The following CNKSR3 variants were observed in gnomAD, a reference collection of about 807,000 sequenced individuals.
The protein encoded by CNKSR3 is CNKSR family member 3.
Under a neutral mutation model 67.7 loss-of-function variants are expected in CNKSR3, and 36 were observed. The ratio of observed to expected loss-of-function variants is 0.53; its 90% confidence interval spans 0.41 to 0.70. The LOEUF (loss-of-function observed/expected upper bound fraction) is 0.70. Among genes scored for constraint, CNKSR3 ranks in the 30% least tolerant of loss-of-function variants. CNKSR3 has a pLI of 0.00. For synonymous variants in CNKSR3, 281 were observed against 271.4 expected, an observed-to-expected ratio of 1.04 and a Z score of -0.35; for missense variants, 630 against 695.2, an observed-to-expected ratio of 0.91 and a Z score of 1.05.
At position 154,400,046 on chromosome 6, in the gene CNKSR3, T is replaced by G. The variant is rs527242502; in HGVS notation, c.*6308A>C. The stretch of plus-strand genomic sequence containing the variant: ...ATGAGAATATCCTTATCCCTGGGTG[T>G]GAGGAGTAATTACTCTACTGCCCTT... On this transcript the variant is annotated 3_prime_UTR_variant, in exon 13 of 13. Transcript: ENST00000607772. 6.6e-6 allele frequency: 1 copy of G among 152,190 alleles called. No individual in the cohort carries two copies. The highest frequency in any genetic ancestry group is 6.5e-5 in the Admixed American group (1 of 15,280). 9.4% of individuals were successfully genotyped at this position (152,190 alleles called of 1,614,324 possible). A position where few individuals can be genotyped will look rare whatever the true frequency, so the allele number is the denominator to read the frequency against.
At chr6:154,486,109 G>A (rs575029635) in intron 1 of CNKSR3, among the ~76,000 whole-genome samples, 14 of 152,148 alleles carry the variant, frequency 9.2e-5, no homozygotes, top group Non-Finnish European at 1.8e-4. Flanking sequence ...CTTCAAGGGT[G>A]TGCCTTTGTG....
chr6:154,470,188 C>CTTTTTTTT lies in CNKSR3; in HGVS notation c.53-19938_53-19931dup, dbSNP rs869154714. ...TGTAATAAAGAACCTACTTTCTTTCCTTTTTTTTTTTTTTTTTTTTTTTTT... is the reference window on the plus strand; with the variant it reads ...TGTAATAAAGAACCTACTTTCTTTCCTTTTTTTTTTTTTTTTTTTTTTTTTTTTTTTTT... On this transcript the variant is annotated intron_variant, in intron 1 of 12. Coordinates refer to ENST00000607772, the MANE Select transcript of CNKSR3 (RefSeq NM_173515.4). Among the ~76,000 whole-genome samples, 9 of 68,752 alleles carry CTTTTTTTT rather than the reference C, an allele frequency of 1.3e-4. 1 individual carries two copies. Among genetic ancestry groups the CTTTTTTTT allele is most frequent in the Admixed American group, 2.1e-4 (1 of 4,768 alleles). 45.1% of individuals were successfully genotyped at this position (68,752 alleles called of 152,430 possible). A position where few individuals can be genotyped will look rare whatever the true frequency, so the allele number is the denominator to read the frequency against.
At position 154,510,050 on chromosome 6, in the gene CNKSR3, A is replaced by C. The variant is rs770971994; in HGVS notation, c.52+13T>G. ...AGGCTGGAGGACTCCGGACCCCCCCAAGGCCCGCGCACCTCTAGTCCAGTC... is the reference window on the plus strand; with the variant it reads ...AGGCTGGAGGACTCCGGACCCCCCCCAGGCCCGCGCACCTCTAGTCCAGTC... On this transcript the variant is annotated intron_variant, in intron 1 of 12. Coordinates refer to ENST00000607772, the MANE Select transcript of CNKSR3 (RefSeq NM_173515.4). The C allele has an allele frequency of 8.7e-6, 14 of 1,613,578 alleles. No homozygotes were observed. In the East Asian group the frequency reaches 3.1e-4, roughly 36 times the overall value.
chr6:154,425,808 G>T (rs1785243155), intron 7 of CNKSR3, among the ~76,000 whole-genome samples: 1 of 149,422 alleles, frequency 6.7e-6, no homozygotes, highest in South Asian at 2.1e-4. Flanking sequence ...AAAACAATGG[G>T]TGATTTTCAT....
At chr6:154,493,122 C>T (rs1011241439) in intron 1 of CNKSR3, among the ~76,000 whole-genome samples, 3 of 152,226 alleles carry the variant, frequency 2.0e-5, no homozygotes, top group African/African-American at 7.2e-5. Context: ...CTCTAGGGCT[C>T]TACACCCTCA....
At chr6:154,447,487 A>G (rs958870521) in intron 2 of CNKSR3, among the ~76,000 whole-genome samples, 1 of 152,176 alleles carries the variant, frequency 6.6e-6, no homozygotes. Flanking sequence ...ATCATATAAT[A>G]CAAATCACTC....
intron 1 of CNKSR3, 42 bp downstream of exon 1, chr6:154,510,021 C>A: frequency 6.2e-7 from 1 of 1,611,510 alleles, no homozygotes; most frequent in Non-Finnish European, 8.5e-7. Flanking sequence ...CCGCCCCATC[C>A]CCGAGGCTGG....
At chr6:154,409,994 G>A (rs1257531919) in intron 12 of CNKSR3, among the ~76,000 whole-genome samples, 1 of 152,056 alleles carries the variant, frequency 6.6e-6, no homozygotes, top group Non-Finnish European at 1.5e-5. Flanking sequence ...CTGTAGTGAG[G>A]TATGATCACG....
chr6:154,452,394 A>C (rs4311525), intron 1 of CNKSR3, among the ~76,000 whole-genome samples: 1 of 152,006 alleles, frequency 6.6e-6, no homozygotes, highest in African/African-American at 2.4e-5. Flanking sequence ...AATCTTAGAG[A>C]CACTTAAAAG....
At chr6:154,460,123 G>A (rs991753582) in intron 1 of CNKSR3, among the ~76,000 whole-genome samples, 1 of 152,202 alleles carries the variant, frequency 6.6e-6, no homozygotes, top group Non-Finnish European at 1.5e-5. Flanking sequence ...AGGGACAGGC[G>A]AAAGAACAGA....
chr6:154,484,972 T>G (rs930362691), intron 1 of CNKSR3, among the ~76,000 whole-genome samples: 8 of 152,188 alleles, frequency 5.3e-5, no homozygotes, highest in Non-Finnish European at 1.0e-4. Context: ...AGGTGGTTTT[T>G]AGCTTCATTC....
chr6:154,450,265 A>G lies in CNKSR3; in HGVS notation c.53-7T>C. ...TGCAGGCAGTCATCCAACCCTGCCA[A>G]AAACAATCAGAAGTCCCATTATTGC... On this transcript the variant is annotated splice_region_variant and splice_polypyrimidine_tract_variant and intron_variant, in intron 1 of 12. Coordinates refer to ENST00000607772, the MANE Select transcript of CNKSR3 (RefSeq NM_173515.4). 1 of 1,613,060 alleles carries G rather than the reference A, an allele frequency of 6.2e-7. No individual in the cohort carries two copies. Among genetic ancestry groups the G allele is most frequent in the East Asian group, 2.2e-5 (1 of 44,862 alleles).
At chr6:154,450,011 G>T in intron 2 of CNKSR3, 84 bp downstream of exon 2, 1 of 1,301,108 alleles carries the variant, frequency 7.7e-7, no homozygotes, top group Non-Finnish European at 1.1e-6. Context: ...AGAGTGATAT[G>T]CTAAATCACA....
At chr6:154,431,478 T>G (rs1221325648) in intron 5 of CNKSR3, among the ~76,000 whole-genome samples, 1 of 149,258 alleles carries the variant, frequency 6.7e-6, no homozygotes, top group African/African-American at 2.5e-5. Context: ...AAAAACAAAT[T>G]ATGAACTAAT....
At chr6:154,454,104 CAGAGAGAGAGAGAGAGAGAGAGAGAGAG>C (rs71021054) in intron 1 of CNKSR3, among the ~76,000 whole-genome samples, 3 of 116,338 alleles carry the variant, frequency 2.6e-5, no homozygotes, top group South Asian at 6.3e-4. Context: ...CACACACACA[CAGAGAGAGAGAGAGAGAGAGAGAGAGAG>C]AGAGAGAGAG....
At chr6:154,459,099 AAGAG>A (rs377096710) in intron 1 of CNKSR3, among the ~76,000 whole-genome samples, 183 of 151,830 alleles carry the variant, frequency 1.2e-3, no homozygotes, top group African/African-American at 4.2e-3. Context: ...AAGAAAAAGA[AAGAG>A]AGAAAGAAAG....
Position 154,442,123 on chromosome 6 carries a change from G to A in CNKSR3, c.384C>T (p.Ile128=), listed in dbSNP as rs758057445. Residue 128 remains isoleucine, a synonymous_variant, in exon 3 of 13, where the codon ATC becomes ATT. Transcript: ENST00000607772. ...NEFLTSVVEL[I]GAAKALLAWL... is the part of the protein sequence containing the mutation. ...ACGCCAGCAGGGCCTTGGCGGCGCC[G>A]ATGAGCTCCACCACCGAGGTCAGGA... The A allele has an allele frequency of 7.4e-6, 12 of 1,611,754 alleles. No individual in the cohort carries two copies. In the Admixed American group the frequency reaches 1.3e-4, roughly 18 times the overall value.
chr6:154,416,247 C>T lies in CNKSR3; in HGVS notation c.946-1824G>A, dbSNP rs534943803. 1.8e-4 allele frequency among the ~76,000 whole-genome samples: 28 copies of T among 152,284 alleles called. No homozygotes were observed. The South Asian group carries it at 4.8e-3, about 26-fold the overall frequency. ...TGAAAGGACTGACTAGCCAGTGTGACGGAGCTAGACATGGCCACCAGGAGA... is the reference window on the plus strand; with the variant it reads ...TGAAAGGACTGACTAGCCAGTGTGATGGAGCTAGACATGGCCACCAGGAGA... On this transcript the variant is annotated intron_variant, in intron 9 of 12. Coordinates refer to ENST00000607772, the MANE Select transcript of CNKSR3 (RefSeq NM_173515.4).
At chr6:154,411,548 T>G (rs921309858) in intron 10 of CNKSR3, among the ~76,000 whole-genome samples, 1 of 146,950 alleles carries the variant, frequency 6.8e-6, no homozygotes. Context: ...GCAGGAGAAG[T>G]GCTTGAACCC....
Sources: gnomAD v4.1 joint callset for allele counts (sites outside exome capture counted in the v4.1 genomes callset) on GRCh38, gnomAD v4.1.1 for gene constraint, MANE v1.5 for transcripts, NCBI Gene and HGNC (gene_info 2026-07-23, HGNC 2026-07-21) for gene names.